The following NBAS variants were observed in gnomAD, a reference collection of about 807,000 sequenced individuals.
NBAS encodes the protein NAG/BC035112 fusion.
In NBAS, 219 loss-of-function variants were observed where a neutral mutation model predicts 302.5. The ratio of observed to expected loss-of-function variants is 0.72; its 90% CI spans 0.65 to 0.81. The LOEUF is 0.81. NBAS is among the 30% of genes least tolerant of loss of function. The pLI is 0.00. For synonymous variants in NBAS, 1,118 were observed against 1,021.6 expected (o/e 1.09, Z -1.80); for missense variants, 2,932 against 2,841.6 (o/e 1.03, Z -0.72).
chr2:15,424,617 C>G (rs989240737), intron 22 of NBAS, 149 bp from the exon 23 acceptor site: 1 of 849,876 alleles, frequency 1.2e-6, no homozygotes, highest in Non-Finnish European at 2.0e-6. Flanking sequence ...CACATGCACA[C>G]GCACCCTTAC....
chr2:15,317,835 T>A (rs1671588975), intron 38 of NBAS, among the ~76,000 whole-genome samples: 1 of 152,116 alleles, frequency 6.6e-6, no homozygotes, highest in Admixed American at 6.5e-5. Flanking sequence ...CAGGATATGA[T>A]CCAGGAGAAC....
chr2:14,980,179 A>C, the NBAS span, among the ~76,000 whole-genome samples: 26,758 of 152,128 alleles, frequency 0.18, 3,161 homozygotes, highest in Non-Finnish European at 0.27. Flanking sequence ...AGGCAAAAGC[A>C]CATGGATGTA....
At chr2:15,289,452 G>A (rs950113141) in intron 41 of NBAS, among the ~76,000 whole-genome samples, 16 of 152,132 alleles carry the variant, frequency 1.1e-4, no homozygotes, top group African/African-American at 3.6e-4. Flanking sequence ...CCACATCATG[G>A]AATGAGAATT....
At chr2:15,441,188 C>A (rs1343089359) in intron 21 of NBAS, among the ~76,000 whole-genome samples, 1 of 152,072 alleles carries the variant, frequency 6.6e-6, no homozygotes, top group East Asian at 1.9e-4. Flanking sequence ...AAGAGCAACT[C>A]CAAGACACAT....
chr2:15,130,927 G>T, the NBAS span, among the ~76,000 whole-genome samples: 1 of 152,148 alleles, frequency 6.6e-6, no homozygotes, highest in African/African-American at 2.4e-5. Flanking sequence ...GAACCTTCAT[G>T]TATATTTATT....
rs200656055 is a variant in NBAS at position 15,379,702 on chromosome 2, T to G, written c.3490A>C (p.Arg1164=). The G allele has an allele frequency of 1.2e-6, 2 of 1,614,052 alleles. No homozygotes were observed. Among genetic ancestry groups the G allele is most frequent in the Non-Finnish European group, 1.7e-6 (2 of 1,179,996 alleles). Residue 1164 remains arginine (R), a synonymous_variant, in exon 30 of 52, where the codon AGG becomes CGG. Coordinates refer to ENST00000281513, the MANE Select transcript of NBAS (RefSeq NM_015909.4). ...TCAATACTCTTTTCGTAGCTGACCC[T>G]GTAGTGGGGTTTCCCTTTATGGGCT... is the stretch of plus-strand genomic sequence containing the variant. ...GIAHKGKPHY[R]VSYEKSIDLV...
At chr2:15,148,246 C>G in the NBAS span, among the ~76,000 whole-genome samples, 1 of 152,212 alleles carries the variant, frequency 6.6e-6, no homozygotes, top group Non-Finnish European at 1.5e-5. Context: ...ATTCCCTGCA[C>G]AGTGTCATGT....
At chr2:14,963,466 T>C in the NBAS span, among the ~76,000 whole-genome samples, 1 of 152,196 alleles carries the variant, frequency 6.6e-6, no homozygotes, top group Non-Finnish European at 1.5e-5. Context: ...CAACCCTTGG[T>C]GTAACACATA....
Position 15,511,401 on chromosome 2 carries a change from A to G in NBAS, c.747-51T>C, listed in dbSNP as rs772958179. On this transcript the variant is annotated intron_variant, in intron 9 of 51. Transcript: ENST00000281513. Reference sequence around the variant, plus strand: ...TCGATAAATTGCAAATATAAATAAGAGCAAAACAAAGAGAGCAGAAACAGT... The same window carrying G: ...TCGATAAATTGCAAATATAAATAAGGGCAAAACAAAGAGAGCAGAAACAGT... 17 of 1,539,786 alleles carry G rather than the reference A, an allele frequency of 1.1e-5. No homozygotes were observed. In the South Asian group the frequency reaches 1.7e-4, roughly 15 times the overall value.
At chr2:15,542,907 G>A (rs889012336) in intron 6 of NBAS, among the ~76,000 whole-genome samples, 10 of 152,176 alleles carry the variant, frequency 6.6e-5, no homozygotes, top group African/African-American at 2.4e-4. Context: ...GTTACAACCA[G>A]TAACTCCAGA....
chr2:15,214,513 G>A (rs905316771), intron 48 of NBAS, among the ~76,000 whole-genome samples: 1 of 152,144 alleles, frequency 6.6e-6, no homozygotes, highest in Non-Finnish European at 1.5e-5. Context: ...GCTGAACTGG[G>A]GATGCTTTTG....
chr2:15,227,011 A>T (rs1438086602), intron 47 of NBAS, among the ~76,000 whole-genome samples: 1 of 152,068 alleles, frequency 6.6e-6, no homozygotes, highest in Non-Finnish European at 1.5e-5. Context: ...GAAAAACTCA[A>T]TTTTTTCTCA....
the NBAS span, among the ~76,000 whole-genome samples, chr2:15,120,788 G>A: frequency 1.3e-5 from 2 of 152,198 alleles, no homozygotes; most frequent in Non-Finnish European, 2.9e-5. Context: ...AAAGATGTGT[G>A]GGCGAGAACA....
At chr2:15,028,291 A>G in the NBAS span, among the ~76,000 whole-genome samples, 1 of 152,200 alleles carries the variant, frequency 6.6e-6, no homozygotes, top group Non-Finnish European at 1.5e-5. Flanking sequence ...AAAAACCCGA[A>G]GGGCTAGCGC....
At chr2:15,010,732 G>A in the NBAS span, among the ~76,000 whole-genome samples, 2 of 152,092 alleles carry the variant, frequency 1.3e-5, no homozygotes, top group African/African-American at 2.4e-5. Context: ...TGGTGGAGTG[G>A]GAGCTATGAT....
At chr2:15,194,965 C>T (rs1181392201) in intron 48 of NBAS, among the ~76,000 whole-genome samples, 2 of 152,072 alleles carry the variant, frequency 1.3e-5, no homozygotes, top group African/African-American at 2.4e-5. Flanking sequence ...AGAAATCACA[C>T]ACAATAAAAC....
intron 51 of NBAS, among the ~76,000 whole-genome samples, chr2:15,177,674 C>A (rs1431505908): frequency 1.3e-5 from 2 of 152,150 alleles, no homozygotes; most frequent in African/African-American, 4.8e-5. Flanking sequence ...GTTTTCTCTT[C>A]TTACCAATTT....
At chr2:15,500,502 TCACACACACACACA>T (rs72095633) in intron 11 of NBAS, among the ~76,000 whole-genome samples, 14 of 136,234 alleles carry the variant, frequency 1.0e-4, no homozygotes, top group East Asian at 4.5e-4. Context: ...TTTAGAAGTC[TCACACACACACACA>T]CACACACACA....
At chr2:15,124,287 G>A in the NBAS span, among the ~76,000 whole-genome samples, 4 of 152,162 alleles carry the variant, frequency 2.6e-5, no homozygotes, top group Non-Finnish European at 5.9e-5. Context: ...CAAGGCTTAT[G>A]GCTTGTGTCC....
Sources: allele counts gnomAD v4.1 joint callset (sites outside exome capture counted in the v4.1 genomes callset), GRCh38; gene constraint gnomAD v4.1.1; transcripts MANE v1.5; gene names NCBI Gene and HGNC (gene_info 2026-07-23, HGNC 2026-07-21).